The following TCF12 variants were observed in gnomAD, a reference collection of about 807,000 sequenced individuals.
The protein encoded by TCF12 is DNA-binding protein HTF4.
Under a neutral mutation model 86.0 loss-of-function variants are expected in TCF12, and 45 were observed. The observed-to-expected ratio is 0.52, with a 90% CI of 0.41 to 0.67. TCF12 has a LOEUF of 0.67. Ranked by LOEUF, TCF12 falls within the 30% of genes least tolerant of loss-of-function variation. TCF12 has a pLI of 0.00. For synonymous variants in TCF12, 330 were observed against 299.6 expected (o/e 1.10, Z -1.05); for missense variants, 881 against 859.9 (o/e 1.02, Z -0.31).
At chr15:57,024,903 C>T (rs114256181) in intron 3 of TCF12, among the ~76,000 whole-genome samples, 1,763 of 152,224 alleles carry the variant, frequency 0.012, 31 homozygotes, top group African/African-American at 0.04. Flanking sequence ...AAGGTAAATC[C>T]TACATTAAAA....
At chr15:56,923,360 C>G (rs1255531071) in intron 3 of TCF12, among the ~76,000 whole-genome samples, 1 of 151,986 alleles carries the variant, frequency 6.6e-6, no homozygotes, top group African/African-American at 2.4e-5. Context: ...TTATGAGTGT[C>G]GGAAGTCACT....
At chr15:57,055,749 G>A (rs1383656560) in intron 3 of TCF12, among the ~76,000 whole-genome samples, 1 of 152,052 alleles carries the variant, frequency 6.6e-6, no homozygotes, top group Non-Finnish European at 1.5e-5. Context: ...TCAGCAGCTT[G>A]ACTATGTTGT....
intron 3 of TCF12, among the ~76,000 whole-genome samples, chr15:56,992,533 C>T (rs1355036135): frequency 2.0e-5 from 3 of 152,094 alleles, no homozygotes; most frequent in Non-Finnish European, 4.4e-5. Context: ...TGATTCTTAC[C>T]TAATCACCTG....
chr15:57,089,777 A>G (rs998805240), intron 4 of TCF12, among the ~76,000 whole-genome samples: 18 of 152,138 alleles, frequency 1.2e-4, no homozygotes, highest in African/African-American at 3.4e-4. Flanking sequence ...ATGACAAACA[A>G]TATTTAAGTG....
intron 3 of TCF12, among the ~76,000 whole-genome samples, chr15:57,046,048 A>G (rs767162802): frequency 3.3e-5 from 5 of 152,250 alleles, no homozygotes; most frequent in African/African-American, 4.8e-5. Context: ...AATAGGAATG[A>G]AAAACCTTTC....
At chr15:57,006,758 A>G (rs2064400925) in intron 3 of TCF12, among the ~76,000 whole-genome samples, 1 of 87,264 alleles carries the variant, frequency 1.1e-5, no homozygotes, top group African/African-American at 2.7e-5. Context: ...CTCTACCAAA[A>G]ATACAAAAAT....
At chr15:57,082,806 T>A (rs1233837905) in intron 4 of TCF12, among the ~76,000 whole-genome samples, 1 of 152,184 alleles carries the variant, frequency 6.6e-6, no homozygotes, top group Non-Finnish European at 1.5e-5. Context: ...AATTTCACAT[T>A]TAGATAATTG....
At chr15:57,088,728 GA>G (rs2151099933) in intron 4 of TCF12, among the ~76,000 whole-genome samples, 1 of 152,106 alleles carries the variant, frequency 6.6e-6, no homozygotes, top group African/African-American at 2.4e-5. Flanking sequence ...TAGAAATTCA[GA>G]ATCTTAAGTT....
intron 5 of TCF12, among the ~76,000 whole-genome samples, chr15:57,123,463 A>G (rs143623681): frequency 1.3e-5 from 2 of 152,068 alleles, no homozygotes; most frequent in Non-Finnish European, 2.9e-5. Flanking sequence ...CATTTCTTCT[A>G]ATTAGGTAGA....
intron 18 of TCF12, among the ~76,000 whole-genome samples, chr15:57,268,108 C>G (rs1218637293): frequency 1.3e-5 from 2 of 152,132 alleles, no homozygotes; most frequent in East Asian, 3.8e-4. Flanking sequence ...GCTCTGTGAT[C>G]CTAGGTCTTG....
Position 57,155,348 on chromosome 15 carries a change from A to G in TCF12, c.326-11054A>G, listed in dbSNP as rs139116042. On this transcript the variant is annotated intron_variant, in intron 5 of 20. Coordinates refer to ENST00000333725, the MANE Select transcript of TCF12 (RefSeq NM_207037.2). Reference sequence around the variant, plus strand: ...ATTTTGAGTTATGCCTTACTCACAAATCAACTTTGGATTATGACCCATCAA... The same window carrying G: ...ATTTTGAGTTATGCCTTACTCACAAGTCAACTTTGGATTATGACCCATCAA... Among the ~76,000 whole-genome samples, 138 of 152,292 alleles carry G rather than the reference A, an allele frequency of 9.1e-4. 6 individuals are homozygous for G. The East Asian group carries it at 0.026, about 29-fold the overall frequency.
At chr15:57,195,843 G>A (rs1022277786) in intron 7 of TCF12, among the ~76,000 whole-genome samples, 20 of 152,122 alleles carry the variant, frequency 1.3e-4, no homozygotes, top group African/African-American at 4.3e-4. Flanking sequence ...CTCTACAAAC[G>A]AAATTTTTTT....
At chr15:57,034,928 A>G (rs1173849611) in intron 3 of TCF12, among the ~76,000 whole-genome samples, 3 of 152,088 alleles carry the variant, frequency 2.0e-5, no homozygotes, top group East Asian at 1.9e-4. Flanking sequence ...TGATTCTCCA[A>G]TTTTTTTAGG....
intron 3 of TCF12, among the ~76,000 whole-genome samples, chr15:56,929,177 G>T (rs2060140339): frequency 6.6e-6 from 1 of 152,048 alleles, no homozygotes; most frequent in African/African-American, 2.4e-5. Flanking sequence ...TGGGGATAAG[G>T]GTCAGGGTGG....
At chr15:57,075,877 T>A (rs567921226) in intron 4 of TCF12, among the ~76,000 whole-genome samples, 183 of 145,812 alleles carry the variant, frequency 1.3e-3, no homozygotes, top group African/African-American at 4.3e-3. Flanking sequence ...TCTTTTTTTT[T>A]ATTTGAGACA....
intron 3 of TCF12, among the ~76,000 whole-genome samples, chr15:57,046,903 A>G (rs912386151): frequency 6.6e-6 from 1 of 152,224 alleles, no homozygotes; most frequent in Non-Finnish European, 1.5e-5. Context: ...GCAGCTCTGA[A>G]CAATACATAA....
chr15:57,250,423 G>A (rs2060054351), intron 13 of TCF12, among the ~76,000 whole-genome samples: 1 of 152,152 alleles, frequency 6.6e-6, no homozygotes, highest in Admixed American at 6.5e-5. Context: ...TGAAATAATA[G>A]TGGCTAAGCA....
In TCF12 at chr15:57,232,686, AATAG is replaced by A. The variant is rs550768293; in HGVS notation, c.826-23_826-20del. On this transcript the variant is annotated intron_variant, in intron 10 of 20. Coordinates refer to ENST00000333725, the MANE Select transcript of TCF12 (RefSeq NM_207037.2). The stretch of plus-strand genomic sequence containing the variant: ...TGAATATTATTCAGAAAATATATTT[AATAG>A]ATCATATCTCTTTCCATCTAGAGTT... 74 of 1,599,766 alleles carry A rather than the reference AATAG, an allele frequency of 4.6e-5. 1 individual carries two copies. In the South Asian group the frequency reaches 8.0e-4, roughly 17 times the overall value.
At chr15:57,285,786 G>A (rs1485363778) in intron 20 of TCF12, among the ~76,000 whole-genome samples, 2 of 152,146 alleles carry the variant, frequency 1.3e-5, no homozygotes, top group Non-Finnish European at 1.5e-5. Flanking sequence ...CCATATAGCC[G>A]GGTGTGGTGG....
Sources: gnomAD v4.1 joint callset for allele counts (sites outside exome capture counted in the v4.1 genomes callset) on GRCh38, gnomAD v4.1.1 for gene constraint, MANE v1.5 for transcripts, NCBI Gene and HGNC (gene_info 2026-07-23, HGNC 2026-07-21) for gene names.